ITFG1: variants seen among roughly 807,000 people sequenced by gnomAD.
ITFG1 encodes the protein integrin alpha FG-GAP repeat containing 1.
Under a neutral mutation model 81.8 loss-of-function variants are expected in ITFG1, and 34 were observed. The ratio of observed to expected loss-of-function variants is 0.42; its 90% confidence interval spans 0.32 to 0.55. The LOEUF (loss-of-function observed/expected upper bound fraction) is 0.55, where lower values mean the gene tolerates loss of function less well. ITFG1 is among the 20% of genes least tolerant of loss of function. The pLI is 0.17. For missense variants in ITFG1, 672 were observed against 755.4 expected, an observed-to-expected ratio of 0.89 and a Z score of 1.29; for synonymous variants, 285 against 270.6, an observed-to-expected ratio of 1.05 and a Z score of -0.52.
At chr16:47,277,685 G>A (rs1022371632) in intron 10 of ITFG1, among the ~76,000 whole-genome samples, 11 of 152,192 alleles carry the variant, frequency 7.2e-5, no homozygotes, top group African/African-American at 2.7e-4. Flanking sequence ...TGGCTACTAA[G>A]GAATTGAAAT....
At chr16:47,329,023 A>G (rs1280626261) in intron 8 of ITFG1, among the ~76,000 whole-genome samples, 1 of 152,210 alleles carries the variant, frequency 6.6e-6, no homozygotes, top group Non-Finnish European at 1.5e-5. Flanking sequence ...GTATTTAAAT[A>G]TAAAAATCCA....
At position 47,311,402 on chromosome 16, in the gene ITFG1, A is replaced by G. The variant is rs761660313; in HGVS notation, c.908T>C (p.Val303Ala). ...GCCCTTATTGCTGAAATCTTGTAGG[A>G]CTGGAACCCACTATGGATTAAGAGA... The part of the protein sequence containing the change: ...VRSGMKQWVP[V>A]LQDFSNKGTL... Residue 303 changes from valine (V) to alanine (A), a missense_variant, in exon 10 of 18, where the codon GTC becomes GCC. By Grantham distance (64) the Val-to-Ala change is moderately conservative. This residue lies in a region of ITFG1 where 560 missense variants were observed against 625.7 expected (regional missense o/e 0.90). Coordinates refer to ENST00000320640, the MANE Select transcript of ITFG1 (RefSeq NM_030790.5). 10 of 1,609,478 alleles carry G rather than the reference A, an allele frequency of 6.2e-6. No individual in the cohort carries two copies. The East Asian group carries it at 2.0e-4, about 32-fold the overall frequency.
chr16:47,348,291 G>A (rs1046349130), intron 8 of ITFG1, among the ~76,000 whole-genome samples: 3 of 152,140 alleles, frequency 2.0e-5, no homozygotes, highest in East Asian at 1.9e-4. Context: ...TGATCCCAAC[G>A]CAAAGAAGTT....
At chr16:47,415,827 C>G (rs1178535267) in intron 6 of ITFG1, among the ~76,000 whole-genome samples, 3 of 152,144 alleles carry the variant, frequency 2.0e-5, no homozygotes, top group Non-Finnish European at 4.4e-5. Context: ...TGTGCAGTGG[C>G]TCATGCCTAT....
intron 8 of ITFG1, among the ~76,000 whole-genome samples, chr16:47,353,750 A>C (rs986162725): frequency 2.6e-5 from 4 of 152,104 alleles, no homozygotes; most frequent in Admixed American, 2.6e-4. Context: ...ACATAATAAT[A>C]AACTATCTGA....
chr16:47,456,785 AC>A (rs886938529), intron 2 of ITFG1, among the ~76,000 whole-genome samples: 1 of 151,916 alleles, frequency 6.6e-6, no homozygotes, highest in Non-Finnish European at 1.5e-5. Context: ...GGAAAGACAC[AC>A]CCCCGTGAAG....
At position 47,204,289 on chromosome 16, in the gene ITFG1, T is replaced by C. The variant is rs535813359; in HGVS notation, c.1453+14579A>G. On this transcript the variant is annotated intron_variant, in intron 14 of 17. Coordinates refer to ENST00000320640, the MANE Select transcript of ITFG1 (RefSeq NM_030790.5). Reference sequence around the variant, plus strand: ...ATTCACCCTTGGTAACAAGCTTCCATAACAAAAATTTCAAAACAACTACTT... The same window carrying C: ...ATTCACCCTTGGTAACAAGCTTCCACAACAAAAATTTCAAAACAACTACTT... Among the ~76,000 whole-genome samples, 4 of 152,296 alleles carry C rather than the reference T, an allele frequency of 2.6e-5. No homozygotes were observed. The East Asian group carries it at 7.7e-4, about 29-fold the overall frequency.
Position 47,155,687 on chromosome 16 carries a change from C to G in ITFG1, c.*32G>C, listed in dbSNP as rs1272479232. On this transcript the variant is annotated 3_prime_UTR_variant, in exon 18 of 18. Transcript: ENST00000320640. Reference sequence around the variant, plus strand: ...TTTGTGTTTCAACTAATCAAGTGAACAGCCATTCCATTATGTAATATTAAA... The same window carrying G: ...TTTGTGTTTCAACTAATCAAGTGAAGAGCCATTCCATTATGTAATATTAAA... 1.4e-6 allele frequency: 2 copies of G among 1,459,648 alleles called. No homozygotes were observed. The highest frequency in any genetic ancestry group is 9.4e-7 in the Non-Finnish European group (1 of 1,058,442). The allele number at this position is 1,459,648 out of a possible 1,614,324, so 90.4% of individuals were successfully genotyped here.
At chr16:47,337,070 G>A (rs1210057310) in intron 8 of ITFG1, among the ~76,000 whole-genome samples, 7 of 150,638 alleles carry the variant, frequency 4.6e-5, no homozygotes, top group Admixed American at 6.6e-5. Flanking sequence ...ACAGGGAGGC[G>A]GGGGTTGCAG....
chr16:47,237,975 C>T lies in ITFG1; in HGVS notation c.1364G>A (p.Arg455His), dbSNP rs766871022. Reference sequence around the variant, plus strand: ...TATAAATTTACTTACTGTTATCTTACGAGGACAGTCATTAGAACACAGACC... The same window carrying T: ...TATAAATTTACTTACTGTTATCTTATGAGGACAGTCATTAGAACACAGACC... ...LSGLCSNDCP[R>H]KITPFGVNQP... Residue 455 changes from arginine to histidine, a missense_variant, in exon 13 of 18, where the codon CGT becomes CAT. Physicochemically the swap from Arg to His is conservative, Grantham distance 29. This residue lies in a region of ITFG1 where 560 missense variants were observed against 625.7 expected (regional missense o/e 0.90). Transcript: ENST00000320640. 7.0e-6 allele frequency: 10 copies of T among 1,438,532 alleles called. No individual in the cohort carries two copies. The highest frequency in any genetic ancestry group is 1.5e-5 in the African/African-American group (1 of 68,098). 89.1% of individuals were successfully genotyped at this position (1,438,532 alleles called of 1,614,324 possible).
intron 6 of ITFG1, among the ~76,000 whole-genome samples, chr16:47,427,679 A>G (rs897464242): frequency 6.6e-6 from 1 of 151,770 alleles, no homozygotes; most frequent in Non-Finnish European, 1.5e-5. Context: ...CTCCATTGGG[A>G]TACAATCTGA....
chr16:47,195,299 T>C (rs1329438210), intron 14 of ITFG1, among the ~76,000 whole-genome samples: 1 of 152,200 alleles, frequency 6.6e-6, no homozygotes, highest in Non-Finnish European at 1.5e-5. Context: ...CCCATTATTG[T>C]TTCACTGGAA....
chr16:47,455,727 C>G (rs1000647775), intron 2 of ITFG1, among the ~76,000 whole-genome samples: 1 of 145,756 alleles, frequency 6.9e-6, no homozygotes, highest in Non-Finnish European at 1.5e-5. Flanking sequence ...CAAGATTGGA[C>G]CATTGCACTC....
At chr16:47,375,783 C>A in intron 7 of ITFG1, 93 bp downstream of exon 7, 2 of 820,456 alleles carry the variant, frequency 2.4e-6, no homozygotes, top group South Asian at 1.5e-5. Flanking sequence ...TTGTTGAAAT[C>A]AACCAAGTGA....
At chr16:47,180,018 T>C (rs1447163066) in intron 14 of ITFG1, among the ~76,000 whole-genome samples, 1 of 152,198 alleles carries the variant, frequency 6.6e-6, no homozygotes, top group African/African-American at 2.4e-5. Context: ...TGATGAAATA[T>C]GTGGTAGACA....
At chr16:47,288,905 T>A (rs1966880923) in intron 10 of ITFG1, among the ~76,000 whole-genome samples, 1 of 152,110 alleles carries the variant, frequency 6.6e-6, no homozygotes, top group Non-Finnish European at 1.5e-5. Context: ...AAAGGTGAAG[T>A]AAAATGGGTA....
chr16:47,183,017 C>G (rs1390200634), intron 14 of ITFG1, among the ~76,000 whole-genome samples: 5 of 152,206 alleles, frequency 3.3e-5, no homozygotes, highest in Non-Finnish European at 7.3e-5. Context: ...CAGACGGCAC[C>G]TGGAAAATCG....
chr16:47,304,221 C>T (rs1967123256), intron 10 of ITFG1, among the ~76,000 whole-genome samples: 1 of 152,136 alleles, frequency 6.6e-6, no homozygotes. Context: ...AAAGTCATCG[C>T]TCATGTTGTG....
intron 14 of ITFG1, among the ~76,000 whole-genome samples, chr16:47,171,804 C>G (rs1473100363): frequency 2.6e-5 from 4 of 152,120 alleles, no homozygotes; most frequent in Admixed American, 2.6e-4. Flanking sequence ...ACCATTCATG[C>G]AAAGTAGTGG....
Sources: allele counts gnomAD v4.1 joint callset (sites outside exome capture counted in the v4.1 genomes callset), GRCh38; gene constraint gnomAD v4.1.1; regional missense constraint gnomAD v4.1.1; transcripts MANE v1.5; gene names NCBI Gene and HGNC (gene_info 2026-07-23, HGNC 2026-07-21).